Variants in KCNQ2 observed in about 807,000 individuals in gnomAD.
The protein encoded by KCNQ2 is potassium voltage-gated channel subfamily KQT member 2.
In KCNQ2, 14 loss-of-function variants were observed where a neutral mutation model predicts 84.8. The ratio of observed to expected loss-of-function variants is 0.17; its 90% CI spans 0.11 to 0.26. The LOEUF (loss-of-function observed/expected upper bound fraction) is 0.26. Ranked by LOEUF, KCNQ2 falls within the 10% of genes least tolerant of loss-of-function variation. The pLI is 1.00. For synonymous variants in KCNQ2, 599 were observed against 554.1 expected (o/e 1.08, Z -1.14); for missense variants, 788 against 1,254.0 (o/e 0.63, Z 5.61).
intron 8 of KCNQ2, among the ~76,000 whole-genome samples, chr20:63,432,169 G>C (rs1326424690): frequency 6.7e-6 from 1 of 148,174 alleles, no homozygotes; most frequent in African/African-American, 2.5e-5. Context: ...CTCAGGGAAG[G>C]CCACACCCAC....
chr20:63,469,980 G>A (rs374806773), intron 1 of KCNQ2, among the ~76,000 whole-genome samples: 10 of 152,248 alleles, frequency 6.6e-5, no homozygotes, highest in East Asian at 1.9e-4. Context: ...GCACTGGGCC[G>A]GCCTGGAAGA....
rs983571472 is a variant in KCNQ2, at chr20:63,400,381, C to T, written c.*6263G>A. 2 of 379,934 alleles carry T rather than the reference C, an allele frequency of 5.3e-6. No individual in the cohort carries two copies. The highest frequency in any genetic ancestry group is 6.5e-4 in the Middle Eastern group (1 of 1,534). 23.5% of individuals were successfully genotyped at this position (379,934 alleles called of 1,614,324 possible). ...GCATTCTTACGGCTCTGGCATCAAC[C>T]TGTCCGTGTGAGTAAGTTAATATCT... On this transcript the variant is annotated 3_prime_UTR_variant, in exon 17 of 17. Coordinates refer to ENST00000359125, the MANE Select transcript of KCNQ2 (RefSeq NM_172107.4). This position sits in a 1 kb window ranked among gnomAD's most constrained non-coding sequence, Gnocchi z 8.7.
At chr20:63,458,353 C>A (rs1600840908) in intron 1 of KCNQ2, among the ~76,000 whole-genome samples, 1 of 152,090 alleles carries the variant, frequency 6.6e-6, no homozygotes, top group Non-Finnish European at 1.5e-5. Flanking sequence ...CGCTGCAGTG[C>A]CTCATGGTGG....
At position 63,408,517 on chromosome 20, in the gene KCNQ2, G is replaced by T; in HGVS notation, c.1783C>A (p.Arg595=). The T allele has an allele frequency of 1.9e-6, 3 of 1,610,188 alleles. No homozygotes were observed. Among genetic ancestry groups the T allele is most frequent in the Non-Finnish European group, 2.5e-6 (3 of 1,179,024 alleles). ...LQSRVDQIVG[R]GPAITDKDRT... ...TCCTTGTCCGTGATCGCTGGGCCCC[G>T]CCCCACGATCTGGTCCACTCTACCG... Residue 595 remains arginine (R), a synonymous_variant, in exon 16 of 17, where the codon CGG becomes AGG. Transcript: ENST00000359125. The surrounding 1 kb of genome is among the most constrained non-coding windows in gnomAD (Gnocchi z 5.0).
At chr20:63,428,825 A>G (rs975424485) in intron 9 of KCNQ2, among the ~76,000 whole-genome samples, 1 of 151,906 alleles carries the variant, frequency 6.6e-6, no homozygotes, top group Admixed American at 6.6e-5. Flanking sequence ...ACGCGAATAT[A>G]TTTAGGGCCC....
At chr20:63,444,862 C>A in intron 3 of KCNQ2, 28 bp from the exon 4 acceptor site, 1 of 1,563,158 alleles carries the variant, frequency 6.4e-7, no homozygotes, top group Non-Finnish European at 8.7e-7. Flanking sequence ...AGCTGGTGAG[C>A]TGCTGGGCCG....
intron 1 of KCNQ2, among the ~76,000 whole-genome samples, chr20:63,458,482 A>G (rs1358197530): frequency 6.6e-6 from 1 of 152,114 alleles, no homozygotes; most frequent in Admixed American, 6.5e-5. Context: ...CGCAGGTCCC[A>G]GAGCCGCCCC....
intron 11 of KCNQ2, among the ~76,000 whole-genome samples, chr20:63,420,666 AGACACGGCTAGCTCCAGTCACG>A (rs2080440947): frequency 6.6e-6 from 1 of 152,150 alleles, no homozygotes; most frequent in African/African-American, 2.4e-5. Context: ...GCGGCGTCAC[AGACACGGCTAGCTCCAGTCACG>A]GCAGCACTCA....
chr20:63,442,973 A>G (rs1420867639), intron 4 of KCNQ2, among the ~76,000 whole-genome samples: 2 of 115,974 alleles, frequency 1.7e-5, no homozygotes, highest in South Asian at 3.1e-4. Context: ...CACCACCACC[A>G]CCATCACCAC....
At chr20:63,433,489 C>G (rs1385185138) in intron 8 of KCNQ2, 2 of 563,816 alleles carry the variant, frequency 3.5e-6, no homozygotes, top group Non-Finnish European at 6.3e-6. Flanking sequence ...AGCTGTCGGT[C>G]CAGAGCAGCC....
intron 8 of KCNQ2, among the ~76,000 whole-genome samples, chr20:63,433,035 G>A (rs575167520): frequency 6.6e-6 from 1 of 152,192 alleles, no homozygotes; most frequent in East Asian, 1.9e-4. Context: ...AGACGGACTC[G>A]AGGGGTCAGG....
At chr20:63,415,835 G>A (rs1425452490) in intron 12 of KCNQ2, among the ~76,000 whole-genome samples, 1 of 152,116 alleles carries the variant, frequency 6.6e-6, no homozygotes, top group East Asian at 1.9e-4. Context: ...TTTCACACCC[G>A]TAACTGCTCC....
intron 1 of KCNQ2, among the ~76,000 whole-genome samples, chr20:63,462,607 T>G (rs112646774): frequency 2.6e-5 from 4 of 152,222 alleles, no homozygotes; most frequent in African/African-American, 9.6e-5. Flanking sequence ...TAAACTTCTC[T>G]GCATATTTGG....
At chr20:63,420,511 C>T (rs2080434625) in intron 11 of KCNQ2, among the ~76,000 whole-genome samples, 1 of 143,838 alleles carries the variant, frequency 7.0e-6, no homozygotes, top group Non-Finnish European at 1.5e-5. Context: ...TTCTCAAACT[C>T]GGTGCCCCAG....
chr20:63,447,799 AT>A (rs1430494901), intron 1 of KCNQ2, among the ~76,000 whole-genome samples: 2 of 151,966 alleles, frequency 1.3e-5, no homozygotes, highest in African/African-American at 4.8e-5. Flanking sequence ...GTTTCATCAC[AT>A]TGGCCAGGCT....
At position 63,445,373 on chromosome 20, in the gene KCNQ2, G is replaced by A. The variant is rs371784719; in HGVS notation, c.388-9C>T. Reference sequence around the variant, plus strand: ...ACGATAGTCACGATTTCCTGCAGGGGAGGAAAGCTGAGGCCACCTTGAGGC... The same window carrying A: ...ACGATAGTCACGATTTCCTGCAGGGAAGGAAAGCTGAGGCCACCTTGAGGC... On this transcript the variant is annotated splice_polypyrimidine_tract_variant and intron_variant, in intron 2 of 16. Transcript: ENST00000359125. 1.7e-5 allele frequency: 27 copies of A among 1,613,134 alleles called. No homozygotes were observed. Among genetic ancestry groups the A allele is most frequent in the Admixed American group, 1.0e-4 (6 of 59,996 alleles).
chr20:63,446,768 C>T lies in KCNQ2; in HGVS notation c.366G>A (p.Ser122=), dbSNP rs1364399594. 6 of 1,613,512 alleles carry T rather than the reference C, an allele frequency of 3.7e-6. No individual in the cohort carries two copies. The highest frequency in any genetic ancestry group is 2.7e-5 in the African/African-American group (2 of 75,016). The part of the protein sequence containing the change: ...FSTIKEYEKS[S]EGALYILEIV... The stretch of plus-strand genomic sequence containing the variant: ...TCACCAGGATGTAGAGGGCCCCCTC[C>T]GAGCTCTTCTCATACTCCTTGATGG... Residue 122 remains serine, a synonymous_variant, in exon 2 of 17, where the codon TCG becomes TCA. Coordinates refer to ENST00000359125, the MANE Select transcript of KCNQ2 (RefSeq NM_172107.4). The surrounding 1 kb of genome is among the most constrained non-coding windows in gnomAD (Gnocchi z 5.5).
chr20:63,430,181 C>T (rs750346476), intron 9 of KCNQ2, among the ~76,000 whole-genome samples: 3 of 152,208 alleles, frequency 2.0e-5, no homozygotes, highest in South Asian at 4.1e-4. Flanking sequence ...GACAGGCGGG[C>T]GGCAGGGCCA....
rs181373588 is a variant in KCNQ2 at position 63,466,955 on chromosome 20, A to G, written c.296+5213T>C. On this transcript the variant is annotated intron_variant, in intron 1 of 16. Coordinates refer to ENST00000359125, the MANE Select transcript of KCNQ2 (RefSeq NM_172107.4). The stretch of plus-strand genomic sequence containing the variant: ...AAAATAGTTAAGACAGCCCCCCGTG[A>G]GGTAACACGCTTGGGCTCTGTCTGT... Among the ~76,000 whole-genome samples, 71 of 152,352 alleles carry G rather than the reference A, an allele frequency of 4.7e-4. 1 individual carries two copies. Among genetic ancestry groups the G allele is most frequent in the African/African-American group, 1.6e-3 (68 of 41,572 alleles).
Sources: gnomAD v4.1 joint callset for allele counts (sites outside exome capture counted in the v4.1 genomes callset) on GRCh38, gnomAD v4.1.1 for gene constraint, Gnocchi (gnomAD v3.1) non-coding constraint, MANE v1.5 for transcripts, NCBI Gene and HGNC (gene_info 2026-07-23, HGNC 2026-07-21) for gene names.